PUDP: variants seen among roughly 807,000 people sequenced by gnomAD.
The protein encoded by PUDP is pseudouridine 5'-phosphatase, also known as pseudouridine-5'-phosphatase.
Under a neutral mutation model 9.4 loss-of-function variants are expected in PUDP, and 8 were observed. The ratio of observed to expected loss-of-function variants is 0.85; its 90% CI spans 0.50 to 1.53. The LOEUF is 1.53. Ranked by LOEUF, PUDP falls within the 40% of genes most tolerant of loss-of-function variation. The pLI, the probability that PUDP is intolerant of heterozygous loss-of-function variation, is 0.00. For synonymous variants in PUDP, 99 were observed against 80.7 expected (o/e 1.23, Z -1.22); for missense variants, 188 against 189.7 (o/e 0.99, Z 0.05).
At chrX:6,919,927 G>C (rs1344535507) in intron 3 of PUDP, among the ~76,000 whole-genome samples, 1 of 93,518 alleles carries the variant, frequency 1.1e-5, no homozygotes, top group African/African-American at 4.1e-5. Flanking sequence ...GATCGTGCTT[G>C]CATTGAATAA....
At chrX:6,998,676 T>C (rs754841996) in intron 1 of PUDP, among the ~76,000 whole-genome samples, 92 of 112,478 alleles carry the variant, frequency 8.2e-4, no homozygotes, top group African/African-American at 2.8e-3. Flanking sequence ...ACATGCTAAT[T>C]ACTAAAAAGT....
intron 3 of PUDP, among the ~76,000 whole-genome samples, chrX:6,772,596 T>G (rs778448693): frequency 1.5e-4 from 15 of 102,782 alleles, no homozygotes; most frequent in African/African-American, 5.0e-4. Flanking sequence ...AATTTCAGTA[T>G]GGATTATCTG....
At chrX:7,136,101 T>G (rs1164001787) in intron 1 of PUDP, among the ~76,000 whole-genome samples, 1 of 111,641 alleles carries the variant, frequency 9.0e-6, no homozygotes, top group Non-Finnish European at 1.9e-5. Flanking sequence ...TTCCCCATGA[T>G]AGTCAACATT....
intron 1 of PUDP, among the ~76,000 whole-genome samples, chrX:7,014,156 C>T (rs867189626): frequency 9.1e-6 from 1 of 110,362 alleles, no homozygotes; most frequent in Non-Finnish European, 1.9e-5. Context: ...CTTTCTCTGC[C>T]GTGTCATCTG....
intron 3 of PUDP, among the ~76,000 whole-genome samples, chrX:6,805,595 C>G (rs1926037268): frequency 9.0e-6 from 1 of 110,778 alleles, no homozygotes; most frequent in African/African-American, 3.3e-5. Flanking sequence ...TCATGGCTCA[C>G]TGCAGCCTCG....
chrX:6,975,754 C>T (rs1294555026), intron 3 of PUDP, among the ~76,000 whole-genome samples: 2 of 112,123 alleles, frequency 1.8e-5, no homozygotes, highest in Non-Finnish European at 3.8e-5. Flanking sequence ...CTGGGAGATC[C>T]ACTGTTCTCT....
chrX:7,014,758 T>C (rs1229934128), intron 1 of PUDP, among the ~76,000 whole-genome samples: 1 of 111,730 alleles, frequency 9.0e-6, no homozygotes, highest in Admixed American at 9.5e-5. Flanking sequence ...ATTAATCTTA[T>C]CTAGAAAATT....
At chrX:6,968,998 G>A (rs541454996) in intron 3 of PUDP, among the ~76,000 whole-genome samples, 3 of 112,139 alleles carry the variant, frequency 2.7e-5, no homozygotes, top group South Asian at 3.7e-4. Flanking sequence ...GTTGGTCAAC[G>A]TTGTTCAGTC....
intron 2 of PUDP, among the ~76,000 whole-genome samples, chrX:7,099,205 G>A (rs1931658999): frequency 8.9e-6 from 1 of 112,714 alleles, no homozygotes; most frequent in African/African-American, 3.2e-5. Context: ...CTGTCCCAAG[G>A]AATTCATTAC....
chrX:6,978,595 G>C (rs374729449), intron 1 of PUDP, among the ~76,000 whole-genome samples: 1 of 111,326 alleles, frequency 9.0e-6, no homozygotes, highest in African/African-American at 3.3e-5. Flanking sequence ...GACAGATGAC[G>C]TAACAAAAAA....
intron 1 of PUDP, among the ~76,000 whole-genome samples, chrX:7,124,146 G>T (rs920960949): frequency 2.7e-5 from 3 of 112,041 alleles, no homozygotes; most frequent in Non-Finnish European, 5.6e-5. Flanking sequence ...CATATGCTGG[G>T]TCATAAGTCT....
chrX:7,006,881 C>G (rs1929410264), intron 1 of PUDP, among the ~76,000 whole-genome samples: 1 of 111,249 alleles, frequency 9.0e-6, no homozygotes, highest in African/African-American at 3.3e-5. Flanking sequence ...TTTCAAGGAG[C>G]AAGTAAGCAG....
chrX:7,058,516 C>T (rs1309721289), intron 3 of PUDP, among the ~76,000 whole-genome samples: 1 of 112,022 alleles, frequency 8.9e-6, no homozygotes, highest in Non-Finnish European at 1.9e-5. Flanking sequence ...GTTCAATTTT[C>T]ACATGGTGAG....
chrX:6,757,878 T>C (rs1925186813), intron 3 of PUDP, among the ~76,000 whole-genome samples: 1 of 112,549 alleles, frequency 8.9e-6, no homozygotes. Flanking sequence ...GTAAGTTCTG[T>C]GTACTAGCAT....
intron 1 of PUDP, among the ~76,000 whole-genome samples, chrX:7,017,301 T>A (rs1417468783): frequency 8.9e-6 from 1 of 111,993 alleles, no homozygotes; most frequent in Non-Finnish European, 1.9e-5. Context: ...AGGGAACCAG[T>A]GAATAAACAA....
rs1042624367 is a variant in PUDP at position 6,711,829 on chromosome X, C to A, written n.129-5363G>T. Among the ~76,000 whole-genome samples, 3 of 112,427 alleles carry A rather than the reference C, an allele frequency of 2.7e-5. No individual in the cohort carries two copies. In the Admixed American group the frequency reaches 2.8e-4, roughly 11 times the overall value. On this transcript the variant is annotated intron_variant and non_coding_transcript_variant, in intron 1 of 2. Transcript: ENST00000438499. ...CTTATGGGACCTTCCCTGCTGTGCT[C>A]TCAAAGCCAGGAAGCACTGCTTCTC...
chrX:6,933,132 C>T (rs764477705), intron 3 of PUDP, among the ~76,000 whole-genome samples: 1 of 109,158 alleles, frequency 9.2e-6, no homozygotes, highest in African/African-American at 3.3e-5. Context: ...TCTCCCAGCA[C>T]GCAGCTGGAG....
At chrX:7,003,798 C>A (rs150914709) in intron 1 of PUDP, among the ~76,000 whole-genome samples, 1 of 111,621 alleles carries the variant, frequency 9.0e-6, no homozygotes. Context: ...TCAAAAATAT[C>A]CACAATTTTG....
chrX:7,081,757 T>C (rs1035533236), intron 2 of PUDP, among the ~76,000 whole-genome samples: 3 of 113,000 alleles, frequency 2.7e-5, no homozygotes, highest in Non-Finnish European at 5.6e-5. Flanking sequence ...TTGTCATCTG[T>C]CAAAGAGCAA....
Sources: allele counts gnomAD v4.1 joint callset (sites outside exome capture counted in the v4.1 genomes callset), GRCh38; gene constraint gnomAD v4.1.1; transcripts MANE v1.5; gene names NCBI Gene and HGNC (gene_info 2026-07-23, HGNC 2026-07-21).